SUPT3H: variants seen among roughly 807,000 people sequenced by gnomAD.
SUPT3H encodes transcription initiation protein SPT3 homolog.
SUPT3H carries 44 observed loss-of-function variants against 44.3 expected under a neutral mutation model. That is an observed-to-expected ratio of 0.99 (90% CI 0.78 to 1.28). The LOEUF (loss-of-function observed/expected upper bound fraction) is 1.28. Ranked by LOEUF, SUPT3H falls within the 50% of genes most tolerant of loss-of-function variation. The pLI, the probability that SUPT3H is intolerant of heterozygous loss-of-function variation, is 0.00. For missense variants in SUPT3H, 380 were observed against 387.1 expected (o/e 0.98, Z 0.15); for synonymous variants, 124 against 125.6 (o/e 0.99, Z 0.09).
intron 2 of SUPT3H, among the ~76,000 whole-genome samples, chr6:45,199,279 C>T (rs1324005771): frequency 1.3e-5 from 2 of 151,042 alleles, no homozygotes; most frequent in South Asian, 2.1e-4. Context: ...AACAACTCAG[C>T]TTAATTTTTA....
intron 2 of SUPT3H, among the ~76,000 whole-genome samples, chr6:45,181,857 A>G (rs1813279681): frequency 8.0e-6 from 1 of 124,272 alleles, no homozygotes; most frequent in South Asian, 2.9e-4. Context: ...CCTAAAACTT[A>G]AAGTATAATA....
chr6:45,218,264 T>C (rs999580600), intron 2 of SUPT3H, among the ~76,000 whole-genome samples: 22 of 152,052 alleles, frequency 1.4e-4, no homozygotes, highest in African/African-American at 4.8e-4. Context: ...AGAAAAGATA[T>C]TATATAATGA....
intron 2 of SUPT3H, among the ~76,000 whole-genome samples, chr6:45,262,159 T>G (rs1447160048): frequency 6.6e-6 from 1 of 152,080 alleles, no homozygotes; most frequent in Non-Finnish European, 1.5e-5. Flanking sequence ...ACAAGGCAAT[T>G]TACAGATTCA....
At chr6:45,117,413 T>C (rs1373667956) in intron 2 of SUPT3H, among the ~76,000 whole-genome samples, 2 of 152,114 alleles carry the variant, frequency 1.3e-5, no homozygotes, top group Non-Finnish European at 2.9e-5. Flanking sequence ...AATTATTTTA[T>C]ACTGATATCA....
At chr6:45,308,648 G>A (rs936828359) in intron 2 of SUPT3H, among the ~76,000 whole-genome samples, 3 of 151,900 alleles carry the variant, frequency 2.0e-5, no homozygotes, top group Non-Finnish European at 2.9e-5. Flanking sequence ...TGTAAATGAC[G>A]AGTTAATGGG....
At chr6:45,047,630 T>A (rs750423648) in intron 3 of SUPT3H, among the ~76,000 whole-genome samples, 1 of 152,138 alleles carries the variant, frequency 6.6e-6, no homozygotes, top group Admixed American at 6.5e-5. Flanking sequence ...TTTATTCTGA[T>A]AAGAATAATC....
At chr6:44,992,076 T>C (rs763818269) in intron 6 of SUPT3H, among the ~76,000 whole-genome samples, 3 of 152,130 alleles carry the variant, frequency 2.0e-5, no homozygotes, top group Non-Finnish European at 2.9e-5. Context: ...ACTATAAACA[T>C]TAAATGTAAA....
intron 6 of SUPT3H, among the ~76,000 whole-genome samples, chr6:44,983,982 C>T (rs912294625): frequency 2.9e-4 from 44 of 152,234 alleles, no homozygotes; most frequent in African/African-American, 9.9e-4. Flanking sequence ...AAAATACCGA[C>T]AGTCTCAAGA....
At chr6:45,114,756 C>T (rs1008226832) in intron 2 of SUPT3H, among the ~76,000 whole-genome samples, 9 of 152,018 alleles carry the variant, frequency 5.9e-5, no homozygotes, top group Non-Finnish European at 1.0e-4. Context: ...TATTATAAAC[C>T]GTCCCTATTT....
At chr6:45,246,393 C>A (rs1343796734) in intron 2 of SUPT3H, among the ~76,000 whole-genome samples, 1 of 152,200 alleles carries the variant, frequency 6.6e-6, no homozygotes, top group East Asian at 1.9e-4. Flanking sequence ...AAGAGTTTTA[C>A]AGATTGAGCT....
chr6:44,916,056 TA>T (rs1471483401), intron 10 of SUPT3H, among the ~76,000 whole-genome samples: 1 of 152,256 alleles, frequency 6.6e-6, no homozygotes, highest in Non-Finnish European at 1.5e-5. Context: ...TGTTGAATTA[TA>T]GATTTTCTCA....
downstream of SUPT3H, among the ~76,000 whole-genome samples, chr6:44,824,036 C>A (rs796210093): frequency 1.3e-5 from 2 of 152,168 alleles, no homozygotes; most frequent in South Asian, 2.1e-4. Context: ...ACATGGTAAC[C>A]CCCCAGTCAC....
intron 6 of SUPT3H, among the ~76,000 whole-genome samples, chr6:44,968,086 C>G (rs769720683): frequency 2.6e-5 from 4 of 152,078 alleles, no homozygotes; most frequent in Non-Finnish European, 2.9e-5. Context: ...AGCCACTGCA[C>G]CTGGCCAAAA....
intron 3 of SUPT3H, among the ~76,000 whole-genome samples, chr6:45,053,378 G>A (rs1277229996): frequency 1.8e-4 from 28 of 151,986 alleles, no homozygotes; most frequent in Non-Finnish European, 8.8e-5. Context: ...TAACAGAATA[G>A]CAACCAAAAA....
intron 10 of SUPT3H, among the ~76,000 whole-genome samples, chr6:44,894,366 T>C (rs1763786487): frequency 6.6e-6 from 1 of 152,244 alleles, no homozygotes; most frequent in African/African-American, 2.4e-5. Flanking sequence ...GTCTCACGTT[T>C]AAGTCTTTAA....
intron 1 of SUPT3H, among the ~76,000 whole-genome samples, chr6:45,373,058 C>T (rs985130826): frequency 6.6e-6 from 1 of 152,088 alleles, no homozygotes; most frequent in East Asian, 1.9e-4. Flanking sequence ...CCACCTGCCT[C>T]GGCCTCCCAA....
rs1767849565 is a variant in SUPT3H, at chr6:45,230,684, A to ACATT, written c.102-124679_102-124678insAATG. On this transcript the variant is annotated intron_variant, in intron 2 of 10. Transcript: ENST00000371459. The stretch of plus-strand genomic sequence containing the variant: ...AGTCTATATATATATATATATATAT[A>ACATT]TATTTTTGAGATGGAGTCTTGCTCT... 2.0e-5 allele frequency among the ~76,000 whole-genome samples: 2 copies of ACATT among 101,070 alleles called. 1 individual carries two copies. Among genetic ancestry groups the ACATT allele is most frequent in the Non-Finnish European group, 4.1e-5 (2 of 48,736 alleles). 66.3% of individuals were successfully genotyped at this position (101,070 alleles called of 152,430 possible).
intron 6 of SUPT3H, among the ~76,000 whole-genome samples, chr6:44,999,488 C>T (rs1781727385): frequency 6.6e-6 from 1 of 151,974 alleles, no homozygotes; most frequent in Non-Finnish European, 1.5e-5. Context: ...TATAATTGAA[C>T]ATGTGCTGGT....
chr6:45,233,695 T>C (rs1357105667), intron 2 of SUPT3H, among the ~76,000 whole-genome samples: 1 of 152,228 alleles, frequency 6.6e-6, no homozygotes, highest in Non-Finnish European at 1.5e-5. Context: ...CTCCTATATA[T>C]TCTATTCAAG....
Sources: gnomAD v4.1 joint callset for allele counts (sites outside exome capture counted in the v4.1 genomes callset) on GRCh38, gnomAD v4.1.1 for gene constraint, MANE v1.5 for transcripts, NCBI Gene and HGNC (gene_info 2026-07-23, HGNC 2026-07-21) for gene names.